Variants in NEO1 observed in about 807,000 individuals in gnomAD.
The protein encoded by NEO1 is neogenin 1, also known as neogenin.
In NEO1, 63 loss-of-function variants were observed where a neutral mutation model predicts 159.7. That is an observed-to-expected ratio of 0.39 (90% CI 0.32 to 0.49). The LOEUF is 0.49. Ranked by LOEUF, NEO1 falls within the 20% of genes least tolerant of loss-of-function variation. NEO1 has a pLI of 0.85. For synonymous variants in NEO1, 633 were observed against 662.0 expected (o/e 0.96, Z 0.67); for missense variants, 1,615 against 1,831.0 (o/e 0.88, Z 2.15).
At chr15:73,094,954 T>C (rs1434081986) in intron 1 of NEO1, among the ~76,000 whole-genome samples, 1 of 152,164 alleles carries the variant, frequency 6.6e-6, no homozygotes, top group African/African-American at 2.4e-5. Context: ...CTCACACCTA[T>C]AAGCCCAGCA....
intron 15 of NEO1, among the ~76,000 whole-genome samples, chr15:73,265,196 A>C (rs1452941409): frequency 6.6e-6 from 1 of 152,196 alleles, no homozygotes; most frequent in Non-Finnish European, 1.5e-5. Flanking sequence ...TAGTAGATTC[A>C]ACAAAACTTG....
chr15:73,175,613 G>A (rs939239584), intron 5 of NEO1, among the ~76,000 whole-genome samples: 1 of 152,178 alleles, frequency 6.6e-6, no homozygotes, highest in Admixed American at 6.6e-5. Flanking sequence ...GAACTAGCCT[G>A]CAGTGGAGCT....
rs7175925 is a variant in NEO1 at position 73,213,357 on chromosome 15, T to C, written c.1292-22990T>C. On this transcript the variant is annotated intron_variant, in intron 7 of 28. Transcript: ENST00000261908. ...TCTTTAGTGGTGATCTGTGAGATTT[T>C]GGTTCACCCATCACCTGAACAGTAT... 8.5e-3 allele frequency among the ~76,000 whole-genome samples: 1,301 copies of C among 152,322 alleles called. 22 individuals carry two copies. Among genetic ancestry groups the C allele is most frequent in the African/African-American group, 0.03 (1,229 of 41,568 alleles).
At chr15:73,211,441 G>T (rs2037556929) in intron 7 of NEO1, among the ~76,000 whole-genome samples, 1 of 151,852 alleles carries the variant, frequency 6.6e-6, no homozygotes, top group Non-Finnish European at 1.5e-5. Flanking sequence ...GTGGGGCCGG[G>T]CGTGTTGGCT....
intron 2 of NEO1, among the ~76,000 whole-genome samples, chr15:73,119,841 T>A (rs2151635322): frequency 6.6e-6 from 1 of 152,282 alleles, no homozygotes; most frequent in South Asian, 2.1e-4. Flanking sequence ...TTTGACTCTT[T>A]AAAAATACAA....
intron 6 of NEO1, 152 bp from the exon 7 acceptor site, chr15:73,178,155 A>T (rs2035392082): frequency 1.4e-6 from 1 of 694,332 alleles, no homozygotes; most frequent in Non-Finnish European, 2.3e-6. Flanking sequence ...CTTTAGTATG[A>T]AATTGAGTTA....
Position 73,293,441 on chromosome 15 carries a change from T to C in NEO1, c.3794T>C (p.Phe1265Ser), listed in dbSNP as rs914258184. The C allele has an allele frequency of 6.2e-7, 1 of 1,614,192 alleles. No homozygotes were observed. The change falls in exon 26 of 29, where the codon TTC becomes TCC. Residue 1265 changes from phenylalanine (F) to serine (S), a missense_variant. By Grantham distance (155) the Phe-to-Ser change is radical. Around this residue, in one of 3 missense-constraint regions of NEO1, gnomAD observed 471 missense variants for 498.9 expected, o/e 0.94. Transcript: ENST00000261908. Reference sequence around the variant, plus strand: ...TCCCTCGATAACCCTCACCATCATTTCCACTCCAGCAGCCTCGCTTCTCCA... The same window carrying C: ...TCCCTCGATAACCCTCACCATCATTCCCACTCCAGCAGCCTCGCTTCTCCA... Reference protein sequence around the residue: ...IHSLDNPHHHFHSSSLASPAR... With the variant: ...IHSLDNPHHHSHSSSLASPAR...
At chr15:73,266,526 G>T in intron 16 of NEO1, 115 bp downstream of exon 16, 1 of 648,286 alleles carries the variant, frequency 1.5e-6, no homozygotes, top group Non-Finnish European at 2.5e-6. Flanking sequence ...GGCAGTTTCG[G>T]GTGCTGACTT....
At chr15:73,128,888 G>A (rs570535308) in intron 4 of NEO1, among the ~76,000 whole-genome samples, 15 of 152,312 alleles carry the variant, frequency 9.8e-5, no homozygotes, top group Middle Eastern at 3.4e-3. Flanking sequence ...TAAATCAAAT[G>A]TGAATATATT....
intron 1 of NEO1, among the ~76,000 whole-genome samples, chr15:73,086,235 A>C (rs558321427): frequency 6.6e-6 from 1 of 152,326 alleles, no homozygotes; most frequent in Admixed American, 6.5e-5. Context: ...TCAGTTGACC[A>C]TAGTTGTGTG....
chr15:73,289,048 T>A, intron 24 of NEO1, 98 bp from the exon 25 acceptor site: 1 of 860,642 alleles, frequency 1.2e-6, no homozygotes, highest in South Asian at 1.5e-5. Context: ...TTATGCTGTT[T>A]GTGAATTCTG....
chr15:73,095,880 T>G (rs1239047602), intron 1 of NEO1, among the ~76,000 whole-genome samples: 13 of 152,140 alleles, frequency 8.5e-5, no homozygotes, highest in Non-Finnish European at 7.3e-5. Flanking sequence ...CTGAATAGGA[T>G]CTAGTTTGAG....
At chr15:73,244,777 C>G (rs1376660593) in intron 9 of NEO1, among the ~76,000 whole-genome samples, 2 of 151,218 alleles carry the variant, frequency 1.3e-5, no homozygotes, top group African/African-American at 4.9e-5. Context: ...ATGGTGAAAC[C>G]CCATCTCTAC....
chr15:73,087,333 A>G (rs2069421130), intron 1 of NEO1, among the ~76,000 whole-genome samples: 1 of 152,182 alleles, frequency 6.6e-6, no homozygotes, highest in South Asian at 2.1e-4. Flanking sequence ...GCAATCTTAT[A>G]TTAGGATAAA....
chr15:73,069,326 CA>C (rs1471315408), intron 1 of NEO1, among the ~76,000 whole-genome samples: 4 of 151,792 alleles, frequency 2.6e-5, no homozygotes, highest in African/African-American at 9.7e-5. Flanking sequence ...GGGGCAGTGC[CA>C]GATTTTGGGA....
At chr15:73,278,063 C>T in intron 21 of NEO1, 68 bp from the exon 22 acceptor site, 1 of 1,379,612 alleles carries the variant, frequency 7.2e-7, no homozygotes, top group East Asian at 2.3e-5. Context: ...AAAACACTCC[C>T]TAGCTATGAA....
chr15:73,283,155 CT>C, intron 23 of NEO1, 44 bp downstream of exon 23: 1 of 1,608,464 alleles, frequency 6.2e-7, no homozygotes, highest in Non-Finnish European at 8.5e-7. Context: ...GGCATCTTAT[CT>C]TTTGCTTCCA....
intron 1 of NEO1, among the ~76,000 whole-genome samples, chr15:73,098,650 C>T (rs934854842): frequency 1.3e-5 from 2 of 152,144 alleles, no homozygotes; most frequent in Non-Finnish European, 2.9e-5. Context: ...CAACATGTCT[C>T]TTATTGAGGG....
intron 7 of NEO1, chr15:73,221,763 GT>G: frequency 1.3e-5 from 2 of 155,876 alleles, no homozygotes; most frequent in Non-Finnish European, 1.4e-5. Flanking sequence ...CTGGTGCGCC[GT>G]TTTTTAAGCC....
Sources: allele counts gnomAD v4.1 joint callset (sites outside exome capture counted in the v4.1 genomes callset), GRCh38; gene constraint gnomAD v4.1.1; regional missense constraint gnomAD v4.1.1; transcripts MANE v1.5; gene names NCBI Gene and HGNC (gene_info 2026-07-23, HGNC 2026-07-21).